Variants in IRAG2 observed in about 807,000 individuals in gnomAD.
IRAG2 encodes the protein lymphoid restricted membrane protein.
A neutral mutation model predicts 69.9 loss-of-function variants in IRAG2; 45 were observed. That is an observed-to-expected ratio of 0.64 (90% CI 0.51 to 0.83). The LOEUF is 0.83. IRAG2 is among the 40% of genes least tolerant of loss of function. The probability of loss-of-function intolerance (pLI) is 0.00; values close to 1 mark genes in which losing one functional copy is unlikely to be tolerated. For missense variants in IRAG2, 520 were observed against 587.0 expected, an observed-to-expected ratio of 0.89 and a Z score of 1.18; for synonymous variants, 193 against 202.4, an observed-to-expected ratio of 0.95 and a Z score of 0.40.
At chr12:25,094,951 A>T (rs546886686) in intron 14 of IRAG2, among the ~76,000 whole-genome samples, 2 of 152,130 alleles carry the variant, frequency 1.3e-5, no homozygotes, top group Admixed American at 1.3e-4. Flanking sequence ...TGTGTATATT[A>T]GTTCTAACAG....
upstream of IRAG2, among the ~76,000 whole-genome samples, chr12:25,051,706 G>T (rs751904388): frequency 6.6e-6 from 1 of 152,206 alleles, no homozygotes; most frequent in Non-Finnish European, 1.5e-5. Context: ...TTTCATCTGT[G>T]CCTGGGGGCG....
intron 19 of IRAG2, 104 bp from the exon 20 acceptor site, chr12:25,104,257 A>T: frequency 1.1e-6 from 1 of 902,282 alleles, no homozygotes. Flanking sequence ...AGAAAAAAAT[A>T]ATTAGGACAT....
rs753108035 is a variant in IRAG2 at position 25,083,513 on chromosome 12, C to T, written c.315+20C>T. The T allele has an allele frequency of 2.7e-6, 4 of 1,481,316 alleles. No individual in the cohort carries two copies. The highest frequency in any genetic ancestry group is 3.4e-5 in the Admixed American group (2 of 59,320). 91.8% of individuals were successfully genotyped at this position (1,481,316 alleles called of 1,614,324 possible). On this transcript the variant is annotated intron_variant, in intron 10 of 21. Transcript: ENST00000556887. ...AATCTGGTAAGGAAATACGTATGTT[C>T]ACAACAAAGGTGGTGGTATCTTACA...
upstream of IRAG2, among the ~76,000 whole-genome samples, chr12:25,051,009 G>C (rs1396074441): frequency 6.6e-6 from 1 of 152,158 alleles, no homozygotes; most frequent in Non-Finnish European, 1.5e-5. Flanking sequence ...TAGGTATAAA[G>C]TTTCAGTTAT....
intron 11 of IRAG2, among the ~76,000 whole-genome samples, chr12:25,088,807 G>A (rs1007950991): frequency 4.6e-5 from 7 of 152,140 alleles, no homozygotes; most frequent in Admixed American, 3.3e-4. Context: ...GACAATAAAA[G>A]TATCTACAAC....
At position 25,108,110 on chromosome 12, in the gene IRAG2, G is replaced by A; in HGVS notation, c.*50G>A. On this transcript the variant is annotated 3_prime_UTR_variant, in exon 22 of 22. Coordinates refer to ENST00000556887, the MANE Select transcript of IRAG2 (RefSeq NM_001366544.2). ...TCTTGATTTTTAAGTTTCAGTATCT[G>A]AACTTCGTAAATTAGTAACTTTTAG... is the stretch of plus-strand genomic sequence containing the variant. 1 of 1,584,484 alleles carries A rather than the reference G, an allele frequency of 6.3e-7. No homozygotes were observed. The highest frequency in any genetic ancestry group is 8.6e-7 in the Non-Finnish European group (1 of 1,163,208).
intron 15 of IRAG2, among the ~76,000 whole-genome samples, chr12:25,099,267 G>A (rs1357048746): frequency 6.6e-6 from 1 of 152,002 alleles, no homozygotes; most frequent in Non-Finnish European, 1.5e-5. Context: ...ACTGTTCATG[G>A]TCCCCCCACC....
rs1231431228 is a variant in IRAG2, at chr12:25,069,445, T to C, written c.24+14T>C. On this transcript the variant is annotated intron_variant, in intron 6 of 21. Coordinates refer to ENST00000556887, the MANE Select transcript of IRAG2 (RefSeq NM_001366544.2). Reference sequence around the variant, plus strand: ...CCAAGTATGGAAGTGAGTGTTGGACTGGATTTTGGTTTCATTTTCAGTATT... The same window carrying C: ...CCAAGTATGGAAGTGAGTGTTGGACCGGATTTTGGTTTCATTTTCAGTATT... 6.2e-7 allele frequency: 1 copy of C among 1,612,964 alleles called. No individual in the cohort carries two copies.
Position 25,107,809 on chromosome 12 carries a change from C to T in IRAG2, c.1257-8C>T. ...GATTACCAAATTCTATTTGTGTTTTCCTTATAGTTATGACACAATAGCTTC... is the reference window on the plus strand; with the variant it reads ...GATTACCAAATTCTATTTGTGTTTTTCTTATAGTTATGACACAATAGCTTC... On this transcript the variant is annotated splice_region_variant and splice_polypyrimidine_tract_variant and intron_variant, in intron 21 of 21. Coordinates refer to ENST00000556887, the MANE Select transcript of IRAG2 (RefSeq NM_001366544.2). 1 of 1,607,890 alleles carries T rather than the reference C, an allele frequency of 6.2e-7. No homozygotes were observed. Among genetic ancestry groups the T allele is most frequent in the Non-Finnish European group, 8.5e-7 (1 of 1,174,814 alleles).
At chr12:25,046,558 C>T (rs1042881727) in intron 16 of IRAG2, among the ~76,000 whole-genome samples, 1 of 151,982 alleles carries the variant, frequency 6.6e-6, no homozygotes, top group African/African-American at 2.4e-5. Flanking sequence ...ATTGAACCAT[C>T]TGAAAAAGAA....
intron 4 of IRAG2, among the ~76,000 whole-genome samples, chr12:25,066,147 A>G (rs1342590725): frequency 6.6e-6 from 1 of 151,774 alleles, no homozygotes; most frequent in Non-Finnish European, 1.5e-5. Flanking sequence ...TATTTTATAT[A>G]TATTAATATT....
At chr12:25,021,632 T>C (rs143405460) in intron 7 of IRAG2, among the ~76,000 whole-genome samples, 1 of 152,284 alleles carries the variant, frequency 6.6e-6, no homozygotes, top group Non-Finnish European at 1.5e-5. Context: ...GTATAAAGAA[T>C]TAGTAATAGT....
rs1565596856 is a variant in IRAG2, at chr12:25,106,933, T to G, written c.1149-10T>G. The G allele has an allele frequency of 7.2e-7, 1 of 1,384,968 alleles. No homozygotes were observed. The highest frequency in any genetic ancestry group is 1.0e-6 in the Non-Finnish European group (1 of 996,882). 85.8% of individuals were successfully genotyped at this position (1,384,968 alleles called of 1,614,324 possible). A position where few individuals can be genotyped will look rare whatever the true frequency, so the allele number is the denominator to read the frequency against. On this transcript the variant is annotated splice_polypyrimidine_tract_variant and intron_variant, in intron 20 of 21. Transcript: ENST00000556887. ...TAGTTTCAAATATTAAAAACAACAT[T>G]TATTTACAGAACTAAAGATGACTCA...
At chr12:25,083,275 G>A (rs1048528804) in intron 9 of IRAG2, 148 bp from the exon 10 acceptor site, 24 of 700,828 alleles carry the variant, frequency 3.4e-5, no homozygotes, top group African/African-American at 1.6e-4. Context: ...CAATGGGCAC[G>A]TATACATTTT....
intron 6 of IRAG2, among the ~76,000 whole-genome samples, chr12:25,070,807 A>T (rs1446469551): frequency 6.6e-6 from 1 of 152,110 alleles, no homozygotes; most frequent in Non-Finnish European, 1.5e-5. Flanking sequence ...ATATTTGCCT[A>T]TTTTTTATTA....
chr12:25,017,789 C>T (rs867427244), intron 6 of IRAG2, among the ~76,000 whole-genome samples: 3 of 152,034 alleles, frequency 2.0e-5, no homozygotes, highest in Admixed American at 1.3e-4. Context: ...TTATCCAATT[C>T]CAGGATATTT....
chr12:25,037,459 C>T (rs1028624691), intron 15 of IRAG2, among the ~76,000 whole-genome samples: 2 of 152,000 alleles, frequency 1.3e-5, no homozygotes, highest in Non-Finnish European at 2.9e-5. Context: ...CTACCACGCC[C>T]GGCTAATTTT....
At chr12:25,001,152 T>G (rs973749720), upstream of IRAG2, among the ~76,000 whole-genome samples, 1 of 152,210 alleles carries the variant, frequency 6.6e-6, no homozygotes, top group Non-Finnish European at 1.5e-5. Flanking sequence ...TTGTTTTCAG[T>G]GCACTCTTTA....
At chr12:25,017,421 TA>T (rs1426806394) in intron 6 of IRAG2, 4 of 922,146 alleles carry the variant, frequency 4.3e-6, no homozygotes, top group Middle Eastern at 3.8e-4. Context: ...TCAGTGTTTT[TA>T]GAGTATATTC....
Sources: gnomAD v4.1 joint callset for allele counts (sites outside exome capture counted in the v4.1 genomes callset) on GRCh38, gnomAD v4.1.1 for gene constraint, MANE v1.5 for transcripts, NCBI Gene and HGNC (gene_info 2026-07-23, HGNC 2026-07-21) for gene names.